The following ARB2A variants were observed in gnomAD, a reference collection of about 807,000 sequenced individuals.
The protein encoded by ARB2A is cotranscriptional regulator ARB2A.
the ARB2A span, among the ~76,000 whole-genome samples, chr5:94,089,488 G>C: frequency 6.6e-6 from 1 of 151,904 alleles, no homozygotes; most frequent in Admixed American, 6.6e-5. Flanking sequence ...GATAAATTCG[G>C]ACAGCTTTTT....
the ARB2A span, among the ~76,000 whole-genome samples, chr5:94,110,007 C>A: frequency 6.6e-6 from 1 of 151,784 alleles, no homozygotes; most frequent in Non-Finnish European, 1.5e-5. Context: ...GCCTCAGCCT[C>A]CAGAGTAGCT....
the ARB2A span, among the ~76,000 whole-genome samples, chr5:93,829,210 C>T: frequency 6.6e-6 from 1 of 152,162 alleles, no homozygotes; most frequent in African/African-American, 2.4e-5. Context: ...AATACCTTGA[C>T]CCCAAACACA....
the ARB2A span, among the ~76,000 whole-genome samples, chr5:94,030,572 T>C: frequency 6.6e-6 from 1 of 152,216 alleles, no homozygotes; most frequent in African/African-American, 2.4e-5. Context: ...CATAACAGAC[T>C]CTTCTGCCTT....
the ARB2A span, among the ~76,000 whole-genome samples, chr5:93,917,573 T>C: frequency 1.3e-5 from 2 of 152,150 alleles, no homozygotes; most frequent in African/African-American, 4.8e-5. Flanking sequence ...ATATTGTTCT[T>C]TCCTGCAACA....
chr5:93,936,701 T>C, the ARB2A span, among the ~76,000 whole-genome samples: 1 of 152,152 alleles, frequency 6.6e-6, no homozygotes, highest in African/African-American at 2.4e-5. Flanking sequence ...CCTAATTATA[T>C]TCTTTCTTTT....
the ARB2A span, among the ~76,000 whole-genome samples, chr5:93,998,893 AG>A: frequency 1.3e-5 from 2 of 152,054 alleles, no homozygotes; most frequent in African/African-American, 4.8e-5. Context: ...CCATGATCCA[AG>A]AAAAGAAAAA....
At chr5:93,990,395 C>G in the ARB2A span, among the ~76,000 whole-genome samples, 12 of 152,010 alleles carry the variant, frequency 7.9e-5, no homozygotes, top group African/African-American at 2.9e-4. Context: ...CACCACTTTC[C>G]TTTTACCTTT....
At chr5:94,089,489 A>G in the ARB2A span, among the ~76,000 whole-genome samples, 3 of 152,196 alleles carry the variant, frequency 2.0e-5, no homozygotes, top group African/African-American at 7.2e-5. Context: ...ATAAATTCGG[A>G]CAGCTTTTTA....
chr5:94,000,069 G>A, the ARB2A span, among the ~76,000 whole-genome samples: 1 of 151,998 alleles, frequency 6.6e-6, no homozygotes, highest in Non-Finnish European at 1.5e-5. Flanking sequence ...TTCGCCTATT[G>A]AAGACCATCT....
At chr5:93,697,705 C>T in the ARB2A span, among the ~76,000 whole-genome samples, 1 of 152,118 alleles carries the variant, frequency 6.6e-6, no homozygotes, top group Non-Finnish European at 1.5e-5. Context: ...ATCACATTTT[C>T]CCTGCTGTTA....
At chr5:93,670,193 GC>G in the ARB2A span, among the ~76,000 whole-genome samples, 1 of 152,152 alleles carries the variant, frequency 6.6e-6, no homozygotes. Context: ...AGGCTATTGA[GC>G]CAGCTTCTTA....
the ARB2A span, among the ~76,000 whole-genome samples, chr5:93,956,837 G>A: frequency 2.6e-5 from 4 of 152,074 alleles, no homozygotes; most frequent in Non-Finnish European, 5.9e-5. Flanking sequence ...AGTCAAAGTA[G>A]TAAAATCACT....
the ARB2A span, among the ~76,000 whole-genome samples, chr5:93,663,783 C>T: frequency 6.6e-6 from 1 of 151,974 alleles, no homozygotes; most frequent in Non-Finnish European, 1.5e-5. Context: ...CAAGTATACT[C>T]TAAATAAATA....
the ARB2A span, among the ~76,000 whole-genome samples, chr5:93,829,508 T>C: frequency 2.0e-5 from 3 of 152,164 alleles, no homozygotes; most frequent in Admixed American, 2.0e-4. Flanking sequence ...CTTCCTATTA[T>C]TGCACTGAGG....
the ARB2A span, among the ~76,000 whole-genome samples, chr5:94,032,179 C>G: frequency 6.6e-6 from 1 of 152,180 alleles, no homozygotes; most frequent in Non-Finnish European, 1.5e-5. Flanking sequence ...CAACATGTAA[C>G]TCTGTGTTAG....
chr5:93,812,383 T>C, the ARB2A span, among the ~76,000 whole-genome samples: 4 of 152,122 alleles, frequency 2.6e-5, no homozygotes, highest in Non-Finnish European at 5.9e-5. Flanking sequence ...TTACAGGGCA[T>C]CATTTGATGG....
chr5:93,643,091 T>A, the ARB2A span, among the ~76,000 whole-genome samples: 1 of 152,198 alleles, frequency 6.6e-6, no homozygotes, highest in Non-Finnish European at 1.5e-5. Flanking sequence ...CAATATCCAT[T>A]AGACAATCAT....
chr5:93,960,768 T>G, the ARB2A span, among the ~76,000 whole-genome samples: 2 of 152,152 alleles, frequency 1.3e-5, no homozygotes, highest in Non-Finnish European at 1.5e-5. Context: ...AGCTATACAA[T>G]GTTAAAGAAT....
At chr5:93,720,458 C>T in the ARB2A span, among the ~76,000 whole-genome samples, 1,904 of 152,248 alleles carry the variant, frequency 0.013, 34 homozygotes, top group African/African-American at 0.044. Context: ...TGAGTTCTTT[C>T]GGTGTCATAT....
Sources: allele counts gnomAD v4.1 joint callset (sites outside exome capture counted in the v4.1 genomes callset), GRCh38; gene constraint gnomAD v4.1.1; transcripts MANE v1.5; gene names NCBI Gene and HGNC (gene_info 2026-07-23, HGNC 2026-07-21).